The following TENM4 variants were observed in gnomAD, a reference collection of about 807,000 sequenced individuals.
TENM4 encodes teneurin transmembrane protein 4, also known as teneurin-4.
A neutral mutation model predicts 243.3 loss-of-function variants in TENM4; 82 were observed. That is an observed-to-expected ratio of 0.34 (90% confidence interval 0.28 to 0.40). TENM4 has a LOEUF of 0.40. Among genes scored for constraint, TENM4 ranks in the 10% least tolerant of loss-of-function variants. TENM4 has a pLI of 1.00. For missense variants in TENM4, 3,138 were observed against 3,673.3 expected (o/e 0.85, Z 3.77); for synonymous variants, 1,412 against 1,456.3 (o/e 0.97, Z 0.69).
intron 1 of TENM4, among the ~76,000 whole-genome samples, chr11:79,425,641 CACACAGT>C (rs1859033072): frequency 6.6e-6 from 1 of 152,214 alleles, no homozygotes; most frequent in African/African-American, 2.4e-5. Context: ...CTGTGCTCAG[CACACAGT>C]AGGTGCCTCT....
intron 33 of TENM4, among the ~76,000 whole-genome samples, chr11:78,659,499 G>A (rs944639088): frequency 2.7e-5 from 4 of 146,638 alleles, no homozygotes; most frequent in Non-Finnish European, 6.0e-5. Context: ...AGGAGGTGGG[G>A]TTTGAGGACA....
intron 4 of TENM4, among the ~76,000 whole-genome samples, chr11:79,123,852 C>G (rs983898808): frequency 4.6e-5 from 7 of 152,140 alleles, no homozygotes; most frequent in Admixed American, 2.6e-4. Flanking sequence ...AGGCTAGCAC[C>G]CTTACTGCAG....
chr11:79,012,680 G>A (rs1199369926), intron 6 of TENM4, among the ~76,000 whole-genome samples: 1 of 152,186 alleles, frequency 6.6e-6, no homozygotes, highest in Non-Finnish European at 1.5e-5. Flanking sequence ...GGAGGTACAG[G>A]ATGATGTTTA....
chr11:78,955,784 C>T (rs1857197405), intron 6 of TENM4, among the ~76,000 whole-genome samples: 1 of 152,168 alleles, frequency 6.6e-6, no homozygotes, highest in Admixed American at 6.5e-5. Context: ...AAATTAGAGT[C>T]ACCAGAGTTT....
chr11:79,314,374 C>A (rs555258808), intron 1 of TENM4, among the ~76,000 whole-genome samples: 2 of 152,296 alleles, frequency 1.3e-5, no homozygotes, highest in South Asian at 4.2e-4. Context: ...TTCCCTGCAA[C>A]TCTAGAAAAA....
At chr11:79,007,749 A>G (rs1858530765) in intron 6 of TENM4, among the ~76,000 whole-genome samples, 2 of 152,100 alleles carry the variant, frequency 1.3e-5, no homozygotes, top group Non-Finnish European at 2.9e-5. Flanking sequence ...AAGGATAGCC[A>G]TCTTTCCTAA....
chr11:78,739,400 G>A (rs1287620662), intron 19 of TENM4, among the ~76,000 whole-genome samples: 2 of 152,026 alleles, frequency 1.3e-5, no homozygotes, highest in Non-Finnish European at 2.9e-5. Flanking sequence ...TCCCTAATCA[G>A]AACTAGTTCC....
chr11:78,984,665 T>C (rs1385683304), intron 6 of TENM4, among the ~76,000 whole-genome samples: 1 of 152,202 alleles, frequency 6.6e-6, no homozygotes, highest in East Asian at 1.9e-4. Context: ...ACCAAAATAC[T>C]GTCATTACTG....
In TENM4 at chr11:78,756,857, C is replaced by G. The variant is rs547738962; in HGVS notation, c.2704G>C (p.Val902Leu). 1 of 1,613,912 alleles carries G rather than the reference C, an allele frequency of 6.2e-7. No homozygotes were observed. Among genetic ancestry groups the G allele is most frequent in the East Asian group, 2.2e-5 (1 of 44,850 alleles). ...ATTATGTGCGTGCTGTCCCTGCCCA[C>G]GAGGAACTTGATGCGGTCATAGAAG... ...HSFYDRIKFLVGRDSTHIIPG... is the reference protein window; with the variant it reads ...HSFYDRIKFLLGRDSTHIIPG... The change falls in exon 19 of 34, where the codon GTG (valine) becomes CTG (leucine). Residue 902 changes from valine to leucine, a missense_variant. Val to Leu is a conservative substitution (Grantham distance 32). This residue lies in a region of TENM4 where 2,467 missense variants were observed against 3,059.1 expected (regional missense o/e 0.81). Coordinates refer to ENST00000278550, the MANE Select transcript of TENM4 (RefSeq NM_001098816.3).
At chr11:78,716,900 C>T (rs1273352551) in intron 25 of TENM4, among the ~76,000 whole-genome samples, 4 of 152,214 alleles carry the variant, frequency 2.6e-5, no homozygotes, top group African/African-American at 9.7e-5. Flanking sequence ...CCTTAGAATA[C>T]TCTACAAATC....
In TENM4 at chr11:79,029,927, G is replaced by C. The variant is rs1859182689; in HGVS notation, c.493+34811C>G. Among the ~76,000 whole-genome samples the C allele has an allele frequency of 2.6e-5, 4 of 152,180 alleles. No homozygotes were observed. The South Asian group carries it at 8.3e-4, about 32-fold the overall frequency. On this transcript the variant is annotated intron_variant, in intron 6 of 33. Coordinates refer to ENST00000278550, the MANE Select transcript of TENM4 (RefSeq NM_001098816.3). ...GACAATGAACTTGATCTGCTGAACA[G>C]GGTAAGTTAACAGCTGTTAAACAGC...
intron 12 of TENM4, among the ~76,000 whole-genome samples, chr11:78,833,217 T>G (rs1327798566): frequency 1.3e-5 from 2 of 152,222 alleles, no homozygotes; most frequent in African/African-American, 4.8e-5. Context: ...AATAACAGTC[T>G]TCTGCTTCAC....
chr11:79,319,532 T>A (rs1466492414), intron 1 of TENM4, among the ~76,000 whole-genome samples: 1 of 152,054 alleles, frequency 6.6e-6, no homozygotes, highest in East Asian at 1.9e-4. Flanking sequence ...AAATATAAAG[T>A]CAAGTATGTG....
At chr11:78,907,220 G>A (rs578091318) in intron 6 of TENM4, among the ~76,000 whole-genome samples, 3 of 148,064 alleles carry the variant, frequency 2.0e-5, no homozygotes, top group Non-Finnish European at 4.5e-5. Context: ...AAGAGCAAAT[G>A]TTTCCTCTGG....
intron 15 of TENM4, among the ~76,000 whole-genome samples, chr11:78,789,177 G>T (rs913692457): frequency 6.6e-6 from 1 of 152,142 alleles, no homozygotes; most frequent in African/African-American, 2.4e-5. Flanking sequence ...ATGAATTACG[G>T]TATGCCTGGG....
chr11:79,153,547 C>A (rs1862548657), intron 3 of TENM4, among the ~76,000 whole-genome samples: 2 of 152,158 alleles, frequency 1.3e-5, no homozygotes, highest in African/African-American at 4.8e-5. Context: ...TTCTCTCACA[C>A]CCCTACCAAA....
rs1478407993 is a variant in TENM4 at position 78,654,063 on chromosome 11, T to G, written c.*3995A>C. 6.6e-6 allele frequency: 1 copy of G among 152,252 alleles called. No individual in the cohort carries two copies. The highest frequency in any genetic ancestry group is 1.5e-5 in the Non-Finnish European group (1 of 68,044). The allele number at this position is 152,252 out of a possible 1,614,324, so 9.4% of individuals were successfully genotyped here. A position where few individuals can be genotyped will look rare whatever the true frequency, so the allele number is the denominator to read the frequency against. On this transcript the variant is annotated 3_prime_UTR_variant, in exon 34 of 34. Transcript: ENST00000278550. ...TAATTCCCTTTCCTCCAGTAAAATA[T>G]AGACAAGTGTATAAACCTAGCTGGG...
chr11:78,974,882 G>T (rs1021330423), intron 6 of TENM4, among the ~76,000 whole-genome samples: 23 of 151,494 alleles, frequency 1.5e-4, no homozygotes, highest in Non-Finnish European at 2.5e-4. Context: ...ACTGGGTTTT[G>T]CCATTTTGGC....
intron 1 of TENM4, among the ~76,000 whole-genome samples, chr11:79,298,572 C>T (rs1468500385): frequency 1.3e-5 from 2 of 149,590 alleles, no homozygotes; most frequent in Non-Finnish European, 3.0e-5. Flanking sequence ...ACTGGACCGG[C>T]TGGTCACAGA....
Sources: gnomAD v4.1 joint callset for allele counts (sites outside exome capture counted in the v4.1 genomes callset) on GRCh38, gnomAD v4.1.1 for gene constraint, gnomAD v4.1.1 regional missense constraint, MANE v1.5 for transcripts, NCBI Gene and HGNC (gene_info 2026-07-23, HGNC 2026-07-21) for gene names.